Variants in LHFPL4 observed in about 807,000 individuals in gnomAD.
LHFPL4 encodes LHFPL tetraspan subfamily member 4 protein.
In LHFPL4, 6 loss-of-function variants were observed where a neutral mutation model predicts 20.0. The observed-to-expected ratio is 0.30, with a 90% confidence interval of 0.16 to 0.59. The LOEUF is 0.59. Among genes scored for constraint, LHFPL4 ranks in the 20% least tolerant of loss-of-function variants. The pLI, the probability that LHFPL4 is intolerant of heterozygous loss-of-function variation, is 0.88. For missense variants in LHFPL4, 215 were observed against 331.2 expected, an observed-to-expected ratio of 0.65 and a Z score of 2.72; for synonymous variants, 129 against 143.8, an observed-to-expected ratio of 0.90 and a Z score of 0.74.
intron 2 of LHFPL4, among the ~76,000 whole-genome samples, chr3:9,533,557 C>T (rs931699159): frequency 2.6e-5 from 4 of 152,150 alleles, no homozygotes; most frequent in African/African-American, 9.7e-5. Context: ...CCAAGGTGGG[C>T]GGATCACGAG....
chr3:9,535,200 G>A (rs1243624451), intron 2 of LHFPL4, among the ~76,000 whole-genome samples: 1 of 152,098 alleles, frequency 6.6e-6, no homozygotes, highest in Non-Finnish European at 1.5e-5. Context: ...TTTCTTTTTG[G>A]GAAAAATGTT....
At chr3:9,533,973 G>A (rs2046428292) in intron 2 of LHFPL4, among the ~76,000 whole-genome samples, 2 of 151,990 alleles carry the variant, frequency 1.3e-5, no homozygotes, top group South Asian at 4.2e-4. Context: ...CAGCACTCTG[G>A]GAGGCTGAGG....
chr3:9,512,804 G>T (rs912513552), intron 2 of LHFPL4, among the ~76,000 whole-genome samples: 1 of 152,232 alleles, frequency 6.6e-6, no homozygotes, highest in East Asian at 1.9e-4. Flanking sequence ...GAATGCAGAT[G>T]TGATGGTCAG....
At chr3:9,549,498 C>A (rs2046539121) in intron 2 of LHFPL4, among the ~76,000 whole-genome samples, 1 of 152,146 alleles carries the variant, frequency 6.6e-6, no homozygotes, top group South Asian at 2.1e-4. Flanking sequence ...GAGTTTGAGA[C>A]TAGCCTGGCC....
At chr3:9,536,679 T>C (rs983869566) in intron 2 of LHFPL4, among the ~76,000 whole-genome samples, 2 of 152,098 alleles carry the variant, frequency 1.3e-5, no homozygotes, top group Non-Finnish European at 2.9e-5. Flanking sequence ...AATGGTATCA[T>C]GGCTGGGCAC....
chr3:9,519,147 C>T (rs1029776557), intron 2 of LHFPL4, among the ~76,000 whole-genome samples: 1 of 152,112 alleles, frequency 6.6e-6, no homozygotes, highest in African/African-American at 2.4e-5. Context: ...CCATGTTGCC[C>T]AGGCTGGTCT....
intron 2 of LHFPL4, among the ~76,000 whole-genome samples, chr3:9,547,683 T>C (rs943356647): frequency 6.6e-6 from 1 of 152,240 alleles, no homozygotes; most frequent in East Asian, 1.9e-4. Context: ...AGCAGAGATA[T>C]CCTGCCTCTC....
intron 3 of LHFPL4, among the ~76,000 whole-genome samples, chr3:9,505,265 CTTTTCTTTCT>C (rs2046209002): frequency 9.1e-6 from 1 of 109,528 alleles, no homozygotes; most frequent in African/African-American, 3.9e-5. Flanking sequence ...TTTTTCTTTT[CTTTTCTTTCT>C]TTTTTTTTTT....
chr3:9,549,633 C>T (rs1284932738), intron 2 of LHFPL4, among the ~76,000 whole-genome samples: 1 of 152,104 alleles, frequency 6.6e-6, no homozygotes, highest in African/African-American at 2.4e-5. Flanking sequence ...GAAGGCGGAG[C>T]TTGCAGTGAG....
At chr3:9,520,225 G>A (rs1362556342) in intron 2 of LHFPL4, among the ~76,000 whole-genome samples, 3 of 152,092 alleles carry the variant, frequency 2.0e-5, no homozygotes, top group African/African-American at 7.3e-5. Context: ...AGAGGCTGAG[G>A]CAGAAAGTTC....
At chr3:9,523,834 T>A (rs1412813649) in intron 2 of LHFPL4, among the ~76,000 whole-genome samples, 1 of 152,198 alleles carries the variant, frequency 6.6e-6, no homozygotes, top group Admixed American at 6.5e-5. Context: ...TTTCCCATTT[T>A]TTTCTCTAAA....
chr3:9,514,506 T>C (rs1422408048), intron 2 of LHFPL4, among the ~76,000 whole-genome samples: 1 of 152,216 alleles, frequency 6.6e-6, no homozygotes, highest in Non-Finnish European at 1.5e-5. Context: ...CATTGACACA[T>C]TATCACCCAA....
chr3:9,520,134 TG>T (rs1367808997), intron 2 of LHFPL4, among the ~76,000 whole-genome samples: 2 of 152,074 alleles, frequency 1.3e-5, no homozygotes, highest in Admixed American at 6.6e-5. Context: ...CTCAAGTTTT[TG>T]TAAGTTGTGT....
At chr3:9,517,803 TTTTTG>T (rs2046313510) in intron 2 of LHFPL4, among the ~76,000 whole-genome samples, 1 of 134,856 alleles carries the variant, frequency 7.4e-6, no homozygotes, top group South Asian at 2.3e-4. Context: ...GTTTTTTTGT[TTTTTG>T]TTTTTTTTTT....
intron 2 of LHFPL4, among the ~76,000 whole-genome samples, chr3:9,535,786 C>A (rs1452265258): frequency 6.6e-6 from 1 of 151,616 alleles, no homozygotes; most frequent in African/African-American, 2.4e-5. Flanking sequence ...TGCTTGCTTT[C>A]CTATATTTTT....
At chr3:9,543,424 C>T (rs2046490505) in intron 2 of LHFPL4, among the ~76,000 whole-genome samples, 1 of 151,694 alleles carries the variant, frequency 6.6e-6, no homozygotes, top group African/African-American at 2.4e-5. Context: ...TCGCAGAACC[C>T]AGGAGGCGGA....
rs940640269 is a variant in LHFPL4 at position 9,501,991 on chromosome 3, G to A, written c.*220C>T. On this transcript the variant is annotated 3_prime_UTR_variant, in exon 4 of 4. Coordinates refer to ENST00000287585, the MANE Select transcript of LHFPL4 (RefSeq NM_198560.3). ...CAGGCTCCCTTAGGTCAAATTGAGGGAGGAGCAAGAATTAGACCCTCCCAA... is the reference window on the plus strand; with the variant it reads ...CAGGCTCCCTTAGGTCAAATTGAGGAAGGAGCAAGAATTAGACCCTCCCAA... 2 of 584,976 alleles carry A rather than the reference G, an allele frequency of 3.4e-6. No homozygotes were observed. Among genetic ancestry groups the A allele is most frequent in the Non-Finnish European group, 6.1e-6 (2 of 325,780 alleles). The allele number at this position is 584,976 out of a possible 1,614,324, so 36.2% of individuals were successfully genotyped here. A position where few individuals can be genotyped will look rare whatever the true frequency, so the allele number is the denominator to read the frequency against.
chr3:9,538,204 T>A (rs577636199), intron 2 of LHFPL4, among the ~76,000 whole-genome samples: 2 of 152,266 alleles, frequency 1.3e-5, no homozygotes, highest in African/African-American at 4.8e-5. Context: ...CCTCCTCCCA[T>A]CAAGCCTCCA....
In LHFPL4 at chr3:9,506,782, T is replaced by C. The variant is rs146823519; in HGVS notation, c.407-579A>G. 2.4e-3 allele frequency among the ~76,000 whole-genome samples: 364 copies of C among 152,276 alleles called. 7 individuals carry two copies. The East Asian group carries it at 0.058, about 24-fold the overall frequency. On this transcript the variant is annotated intron_variant, in intron 2 of 3. Coordinates refer to ENST00000287585, the MANE Select transcript of LHFPL4 (RefSeq NM_198560.3). This position sits in a 1 kb window ranked among gnomAD's most constrained non-coding sequence, Gnocchi z 4.5. The stretch of plus-strand genomic sequence containing the variant: ...TTTTAGTAGAGATGAGGTTTCACCA[T>C]GTTGGCCAGGCTGGTCTCGAACTCC...
Sources: gnomAD v4.1 joint callset for allele counts (sites outside exome capture counted in the v4.1 genomes callset) on GRCh38, gnomAD v4.1.1 for gene constraint, Gnocchi (gnomAD v3.1) non-coding constraint, MANE v1.5 for transcripts, NCBI Gene and HGNC (gene_info 2026-07-23, HGNC 2026-07-21) for gene names.